The following SLC10A7 variants were observed in gnomAD, a reference collection of about 807,000 sequenced individuals.
SLC10A7 encodes the protein solute carrier family 10 member 7.
Under a neutral mutation model 43.2 loss-of-function variants are expected in SLC10A7, and 29 were observed. The ratio of observed to expected loss-of-function variants is 0.67; its 90% CI spans 0.50 to 0.92. The LOEUF (loss-of-function observed/expected upper bound fraction) is 0.92. SLC10A7 is among the 40% of genes least tolerant of loss of function. The pLI, the probability that SLC10A7 is intolerant of heterozygous loss-of-function variation, is 0.00. For missense variants in SLC10A7, 295 were observed against 403.2 expected (o/e 0.73, Z 2.30); for synonymous variants, 152 against 144.8 (o/e 1.05, Z -0.35).
chr4:146,488,821 G>C (rs1735139008), intron 4 of SLC10A7, among the ~76,000 whole-genome samples: 1 of 152,170 alleles, frequency 6.6e-6, no homozygotes, highest in South Asian at 2.1e-4. Flanking sequence ...TTTTATAAAA[G>C]TTTAACACAG....
intron 5 of SLC10A7, among the ~76,000 whole-genome samples, chr4:146,339,995 G>T (rs1360221413): frequency 1.3e-5 from 2 of 150,944 alleles, no homozygotes; most frequent in East Asian, 3.9e-4. Context: ...ACCCCGACAG[G>T]TCCCGGTGTG....
At chr4:146,453,035 G>GTA (rs68074483) in intron 4 of SLC10A7, among the ~76,000 whole-genome samples, 16 of 149,750 alleles carry the variant, frequency 1.1e-4, no homozygotes, top group East Asian at 1.9e-4. Flanking sequence ...GTGTGTGTGT[G>GTA]TATATATATA....
At chr4:146,430,588 T>C (rs1457530993) in intron 5 of SLC10A7, among the ~76,000 whole-genome samples, 1 of 152,138 alleles carries the variant, frequency 6.6e-6, no homozygotes, top group Admixed American at 6.5e-5. Context: ...ACTACTGTTA[T>C]AAGGTAAAAC....
At chr4:146,319,734 A>C (rs1364727204) in intron 6 of SLC10A7, among the ~76,000 whole-genome samples, 1 of 152,040 alleles carries the variant, frequency 6.6e-6, no homozygotes, top group Non-Finnish European at 1.5e-5. Context: ...AGGTAGGATA[A>C]GGTGAGGTTT....
chr4:146,288,218 G>C (rs1033144657), intron 9 of SLC10A7, among the ~76,000 whole-genome samples: 3 of 152,314 alleles, frequency 2.0e-5, no homozygotes, highest in African/African-American at 7.2e-5. Flanking sequence ...GGGTTGACTT[G>C]TACTCTAGCT....
intron 4 of SLC10A7, among the ~76,000 whole-genome samples, chr4:146,456,969 A>T (rs1732117393): frequency 6.6e-6 from 1 of 151,922 alleles, no homozygotes; most frequent in Non-Finnish European, 1.5e-5. Context: ...CTTGGGTCAA[A>T]GACTAGATAT....
intron 4 of SLC10A7, among the ~76,000 whole-genome samples, chr4:146,446,747 T>C (rs1315069789): frequency 7.5e-5 from 8 of 107,072 alleles, no homozygotes; most frequent in Non-Finnish European, 1.0e-4. Flanking sequence ...GGTTTATCTA[T>C]CTATCTATCT....
At chr4:146,448,627 T>A (rs1731320095) in intron 4 of SLC10A7, among the ~76,000 whole-genome samples, 1 of 152,196 alleles carries the variant, frequency 6.6e-6, no homozygotes, top group African/African-American at 2.4e-5. Flanking sequence ...CAAGTTAATG[T>A]ATTAAACTTC....
intron 4 of SLC10A7, among the ~76,000 whole-genome samples, chr4:146,485,185 A>G (rs149003164): frequency 9.2e-5 from 14 of 152,368 alleles, no homozygotes; most frequent in African/African-American, 3.4e-4. Context: ...AGAGTCACAC[A>G]GGCGGGAATT....
chr4:146,487,754 G>A (rs1401797679), intron 4 of SLC10A7, among the ~76,000 whole-genome samples: 2 of 152,154 alleles, frequency 1.3e-5, no homozygotes, highest in African/African-American at 2.4e-5. Flanking sequence ...GTTAAAGATA[G>A]AAAAATATAG....
At chr4:146,342,209 C>T (rs2149729060) in intron 5 of SLC10A7, among the ~76,000 whole-genome samples, 1 of 151,820 alleles carries the variant, frequency 6.6e-6, no homozygotes, top group Middle Eastern at 3.4e-3. Context: ...TATATAAGCA[C>T]ACCTCATTCT....
intron 9 of SLC10A7, among the ~76,000 whole-genome samples, chr4:146,285,867 T>G (rs553221261): frequency 5.3e-5 from 8 of 150,414 alleles, no homozygotes; most frequent in African/African-American, 2.0e-4. Flanking sequence ...TGAGAAGGAC[T>G]GAACTTGGAG....
chr4:146,300,859 C>T (rs552688387), intron 7 of SLC10A7, among the ~76,000 whole-genome samples: 9 of 152,028 alleles, frequency 5.9e-5, no homozygotes, highest in African/African-American at 1.9e-4. Flanking sequence ...ATATACAGAC[C>T]TAAAAATATT....
At chr4:146,290,049 G>T (rs1379322865) in intron 9 of SLC10A7, among the ~76,000 whole-genome samples, 1 of 149,458 alleles carries the variant, frequency 6.7e-6, no homozygotes, top group Non-Finnish European at 1.5e-5. Context: ...CTTGGGCTGG[G>T]CGTGGTGGCT....
At chr4:146,339,272 T>C (rs1734092395) in intron 5 of SLC10A7, among the ~76,000 whole-genome samples, 1 of 151,966 alleles carries the variant, frequency 6.6e-6, no homozygotes, top group Admixed American at 6.6e-5. Context: ...GCATAGCTCA[T>C]CTATTCCTTT....
intron 4 of SLC10A7, among the ~76,000 whole-genome samples, chr4:146,482,160 C>T (rs746251430): frequency 2.6e-5 from 4 of 152,080 alleles, no homozygotes; most frequent in Admixed American, 6.5e-5. Flanking sequence ...AAGAGGTGAT[C>T]GTACCATCAG....
chr4:146,473,758 G>A (rs1422141454), intron 4 of SLC10A7, among the ~76,000 whole-genome samples: 1 of 151,454 alleles, frequency 6.6e-6, no homozygotes, highest in Non-Finnish European at 1.5e-5. Context: ...TTTTTTACTG[G>A]TATTTTAATA....
At chr4:146,262,507 C>A (rs1442508743) in intron 10 of SLC10A7, among the ~76,000 whole-genome samples, 1 of 152,212 alleles carries the variant, frequency 6.6e-6, no homozygotes, top group Non-Finnish European at 1.5e-5. Flanking sequence ...CACATCAAAT[C>A]AGAGAAAATC....
intron 5 of SLC10A7, among the ~76,000 whole-genome samples, chr4:146,341,683 C>G (rs753043215): frequency 6.6e-6 from 1 of 151,748 alleles, no homozygotes; most frequent in African/African-American, 2.4e-5. Flanking sequence ...TACAGTGTGA[C>G]AAAAGTTCTC....
Sources: allele counts gnomAD v4.1 joint callset (sites outside exome capture counted in the v4.1 genomes callset), GRCh38; gene constraint gnomAD v4.1.1; transcripts MANE v1.5; gene names NCBI Gene and HGNC (gene_info 2026-07-23, HGNC 2026-07-21).